CNTNAP3B: variants seen among roughly 807,000 people sequenced by gnomAD.
The protein encoded by CNTNAP3B is contactin associated protein family member 3B.
Under a neutral mutation model 108.9 loss-of-function variants are expected in CNTNAP3B, and 25 were observed. The observed-to-expected ratio is 0.23, with a 90% CI of 0.17 to 0.32. The LOEUF (loss-of-function observed/expected upper bound fraction) is 0.32, where lower values mean the gene tolerates loss of function less well. Ranked by LOEUF, CNTNAP3B falls within the 10% of genes least tolerant of loss-of-function variation. The pLI, the probability that CNTNAP3B is intolerant of heterozygous loss-of-function variation, is 1.00. For missense variants in CNTNAP3B, 252 were observed against 1,210.4 expected, an observed-to-expected ratio of 0.21 and a Z score of 11.75; for synonymous variants, 103 against 473.4, an observed-to-expected ratio of 0.22 and a Z score of 10.16.
At chr9:42,001,463 C>T (rs1180194263) in intron 4 of CNTNAP3B, among the ~76,000 whole-genome samples, 1 of 134,428 alleles carries the variant, frequency 7.4e-6, no homozygotes, top group Non-Finnish European at 1.6e-5. Context: ...TATTCCCCTA[C>T]AATATATATT....
intron 1 of CNTNAP3B, among the ~76,000 whole-genome samples, chr9:42,108,387 GT>G (rs1828124133): frequency 7.2e-6 from 1 of 138,534 alleles, no homozygotes; most frequent in Admixed American, 7.2e-5. Flanking sequence ...GATATAAAAT[GT>G]TTTATTCAGG....
intron 14 of CNTNAP3B, among the ~76,000 whole-genome samples, chr9:41,935,177 A>G (rs1407793902): frequency 6.6e-6 from 1 of 152,298 alleles, no homozygotes; most frequent in East Asian, 1.9e-4. Context: ...AATCTTTGGC[A>G]TGTTATAGTT....
At chr9:42,116,771 G>C (rs1290705155) in intron 1 of CNTNAP3B, among the ~76,000 whole-genome samples, 1 of 139,114 alleles carries the variant, frequency 7.2e-6, no homozygotes, top group Non-Finnish European at 1.5e-5. Context: ...GCTGTATTCA[G>C]CAGACCCTGC....
chr9:41,950,473 T>G (rs1376579540), intron 13 of CNTNAP3B, among the ~76,000 whole-genome samples: 9 of 123,578 alleles, frequency 7.3e-5, no homozygotes, highest in Non-Finnish European at 1.4e-4. Flanking sequence ...CCCCAAACTG[T>G]AAACAAACAA....
intron 2 of CNTNAP3B, among the ~76,000 whole-genome samples, chr9:42,078,595 A>T (rs1229557730): frequency 7.4e-6 from 1 of 135,806 alleles, no homozygotes; most frequent in Non-Finnish European, 1.6e-5. Flanking sequence ...AACACTGTGC[A>T]TCTGATTGAC....
At chr9:42,041,493 A>G (rs1826752730) in intron 3 of CNTNAP3B, among the ~76,000 whole-genome samples, 1 of 148,178 alleles carries the variant, frequency 6.7e-6, no homozygotes, top group Admixed American at 6.7e-5. Flanking sequence ...AAAAATGCCC[A>G]TCATCACTGG....
At chr9:41,968,950 C>T (rs1407211204) in intron 10 of CNTNAP3B, among the ~76,000 whole-genome samples, 1 of 152,240 alleles carries the variant, frequency 6.6e-6, no homozygotes, top group Non-Finnish European at 1.5e-5. Flanking sequence ...GCGCCCGCCA[C>T]CATGCCTGGC....
intron 14 of CNTNAP3B, among the ~76,000 whole-genome samples, chr9:41,932,653 G>A (rs1228128721): frequency 1.3e-5 from 2 of 152,288 alleles, no homozygotes; most frequent in African/African-American, 2.4e-5. Flanking sequence ...CAGAGTAGCT[G>A]GGATTACATG....
chr9:41,932,961 T>C (rs934597726), intron 14 of CNTNAP3B, among the ~76,000 whole-genome samples: 9 of 152,304 alleles, frequency 5.9e-5, no homozygotes, highest in Non-Finnish European at 1.0e-4. Context: ...CATTAATTAC[T>C]ACAGCAATAC....
chr9:42,017,300 T>C (rs1378778479), intron 3 of CNTNAP3B, among the ~76,000 whole-genome samples: 14 of 133,264 alleles, frequency 1.1e-4, no homozygotes, highest in Non-Finnish European at 3.2e-5. Context: ...ACATGGATAG[T>C]TGTGGTTGAG....
At chr9:42,006,271 AC>A in intron 4 of CNTNAP3B, among the ~76,000 whole-genome samples, 1 of 23,074 alleles carries the variant, frequency 4.3e-5, no homozygotes, top group Non-Finnish European at 9.5e-5. Flanking sequence ...CAAAACGGAA[AC>A]AAAAACCAGA....
At chr9:42,120,814 G>A (rs1376524218) in intron 1 of CNTNAP3B, among the ~76,000 whole-genome samples, 1 of 91,564 alleles carries the variant, frequency 1.1e-5, no homozygotes, top group East Asian at 3.9e-4. Flanking sequence ...ACACAACGGG[G>A]ACTGTCGCGG....
At chr9:41,917,925 A>G (rs1472670187) in intron 18 of CNTNAP3B, among the ~76,000 whole-genome samples, 5 of 152,168 alleles carry the variant, frequency 3.3e-5, no homozygotes, top group Non-Finnish European at 5.9e-5. Flanking sequence ...GGGGAGGTGC[A>G]GGGAGAGGGT....
intron 3 of CNTNAP3B, among the ~76,000 whole-genome samples, chr9:42,047,248 T>A (rs1199682043): frequency 9.9e-6 from 1 of 100,710 alleles, no homozygotes; most frequent in Non-Finnish European, 1.9e-5. Context: ...GCTGTTTTTA[T>A]AAAGGACAAT....
intron 13 of CNTNAP3B, among the ~76,000 whole-genome samples, chr9:41,939,388 G>A (rs1171259572): frequency 4.6e-5 from 7 of 152,300 alleles, no homozygotes; most frequent in Non-Finnish European, 8.8e-5. Flanking sequence ...ATCGAGATCT[G>A]GAACTTAGCT....
At chr9:41,945,065 G>C (rs1221947846) in intron 13 of CNTNAP3B, among the ~76,000 whole-genome samples, 1 of 152,302 alleles carries the variant, frequency 6.6e-6, no homozygotes, top group South Asian at 2.1e-4. Context: ...ACCACAATGA[G>C]ATACCATCTC....
At chr9:42,084,869 TAAC>T (rs1254931217) in intron 2 of CNTNAP3B, among the ~76,000 whole-genome samples, 3 of 32,494 alleles carry the variant, frequency 9.2e-5, no homozygotes, top group African/African-American at 4.5e-4. Context: ...AGAATTCTGC[TAAC>T]GTTTGTCCCA....
intron 12 of CNTNAP3B, among the ~76,000 whole-genome samples, chr9:41,955,741 A>T (rs62536488): frequency 6.6e-6 from 1 of 152,294 alleles, no homozygotes; most frequent in African/African-American, 2.4e-5. Context: ...GCCCAGAAGG[A>T]GGGTAACTGT....
chr9:42,075,559 T>C (rs1360167124), intron 3 of CNTNAP3B, among the ~76,000 whole-genome samples: 1 of 126,482 alleles, frequency 7.9e-6, no homozygotes, highest in Non-Finnish European at 1.7e-5. Context: ...CCTTTCAGAG[T>C]AAGCAAAATT....
Sources: gnomAD v4.1 joint callset for allele counts (sites outside exome capture counted in the v4.1 genomes callset) on GRCh38, gnomAD v4.1.1 for gene constraint, MANE v1.5 for transcripts, NCBI Gene and HGNC (gene_info 2026-07-23, HGNC 2026-07-21) for gene names.